The following ZFR2 variants were observed in gnomAD, a reference collection of about 807,000 sequenced individuals.
The protein encoded by ZFR2 is zinc finger RNA-binding protein 2.
ZFR2 carries 104 observed loss-of-function variants against 105.7 expected under a neutral mutation model. The observed-to-expected ratio is 0.98, with a 90% CI of 0.84 to 1.16. The LOEUF is 1.16. Among genes scored for constraint, ZFR2 ranks in the 50% most tolerant of loss-of-function variants. The probability of loss-of-function intolerance (pLI) is 0.00; values close to 1 mark genes in which losing one functional copy is unlikely to be tolerated. For missense variants in ZFR2, 1,425 were observed against 1,355.5 expected (o/e 1.05, Z -0.80); for synonymous variants, 634 against 597.7 (o/e 1.06, Z -0.89).
intron 6 of ZFR2, among the ~76,000 whole-genome samples, chr19:3,827,235 T>C (rs1464851766): frequency 6.6e-6 from 1 of 152,106 alleles, no homozygotes; most frequent in Non-Finnish European, 1.5e-5. Flanking sequence ...GGACGAGACT[T>C]TGTCCCCATT....
intron 9 of ZFR2, 131 bp downstream of exon 9, chr19:3,821,950 C>G: frequency 7.3e-7 from 1 of 1,373,774 alleles, no homozygotes; most frequent in Non-Finnish European, 9.6e-7. Context: ...GTTGAAAACC[C>G]AGAAAATCAC....
rs1162229874 is a variant in ZFR2, at chr19:3,834,928, G to A, written c.109C>T (p.Pro37Ser). 1.2e-6 allele frequency: 2 copies of A among 1,611,758 alleles called. No homozygotes were observed. The highest frequency in any genetic ancestry group is 1.7e-6 in the Non-Finnish European group (2 of 1,179,188). The change falls in exon 2 of 19, where the codon CCC becomes TCC. Residue 37 changes from proline (P) to serine (S), a missense_variant. Transcript: ENST00000262961. The surrounding 1 kb of genome is among the most constrained non-coding windows in gnomAD (Gnocchi z 5.3). ...ACGGCAGGGTCCATCCCAGGAGTGG[G>A]TTGTGCAGTATAGCTGGCCCCCACA... ...PTVGASYTAQ[P>S]TPGMDPAVNP...
At chr19:3,862,770 G>A (rs2038387055) in intron 1 of ZFR2, among the ~76,000 whole-genome samples, 1 of 152,224 alleles carries the variant, frequency 6.6e-6, no homozygotes, top group African/African-American at 2.4e-5. Flanking sequence ...CTGCCTCTCG[G>A]ATTCTCTTCT....
intron 1 of ZFR2, among the ~76,000 whole-genome samples, chr19:3,848,326 C>A (rs755626271): frequency 6.6e-6 from 1 of 151,130 alleles, no homozygotes; most frequent in African/African-American, 2.4e-5. Flanking sequence ...GCAGGAGGAT[C>A]GCTTGAATGG....
At position 3,831,378 on chromosome 19, in the gene ZFR2, C is replaced by T. The variant is rs751790337; in HGVS notation, c.777G>A (p.Pro259=). ...DSKPPLPSKL[P]RPKAGPRQLQ... is the part of the protein sequence containing the mutation. Reference sequence around the variant, plus strand: ...GCTGCCTGGGCCCCGCCTTGGGTCTCGGCAGCTTGCTGGGAAGCGGTGGCT... The same window carrying T: ...GCTGCCTGGGCCCCGCCTTGGGTCTTGGCAGCTTGCTGGGAAGCGGTGGCT... Residue 259 remains proline (P), a synonymous_variant, in exon 5 of 19, where the codon CCG becomes CCA. Transcript: ENST00000262961. 2.2e-5 allele frequency: 34 copies of T among 1,557,792 alleles called. No homozygotes were observed. The highest frequency in any genetic ancestry group is 4.7e-5 in the South Asian group (4 of 84,674).
rs760427037 is a variant in ZFR2, at chr19:3,822,115, T to C, written c.1457A>G (p.His486Arg). The C allele has an allele frequency of 1.9e-5, 30 of 1,609,660 alleles. No homozygotes were observed. The highest frequency in any genetic ancestry group is 2.5e-5 in the Non-Finnish European group (29 of 1,178,452). ...SFNDLNAKDLHVRGRRHRLQY... is the reference protein window; with the variant it reads ...SFNDLNAKDLRVRGRRHRLQY... The stretch of plus-strand genomic sequence containing the variant: ...CAGCCGGTGCCGCCGCCCCCTCACG[T>C]GCAGGTCCTTCGCGTTAAGGTCGTT... Residue 486 changes from histidine (H) to arginine (R), a missense_variant, in exon 9 of 19, where the codon CAC (histidine) becomes CGC (arginine). Coordinates refer to ENST00000262961, the MANE Select transcript of ZFR2 (RefSeq NM_015174.2).
intron 1 of ZFR2, among the ~76,000 whole-genome samples, chr19:3,840,807 C>T (rs1380332375): frequency 2.6e-5 from 4 of 152,194 alleles, no homozygotes; most frequent in African/African-American, 7.2e-5. Flanking sequence ...GCTGGGATTA[C>T]AGGCCTAAGC....
chr19:3,809,930 G>T (rs887560899), intron 16 of ZFR2, among the ~76,000 whole-genome samples: 18 of 152,192 alleles, frequency 1.2e-4, no homozygotes, highest in African/African-American at 4.3e-4. Context: ...GGCAACAAGA[G>T]CGAGACTCCA....
In ZFR2 at chr19:3,831,295, C is replaced by T. The variant is rs1044679265; in HGVS notation, c.852+8G>A. 1.4e-5 allele frequency: 21 copies of T among 1,512,746 alleles called. No homozygotes were observed. Among genetic ancestry groups the T allele is most frequent in the African/African-American group, 2.8e-5 (2 of 72,510 alleles). The allele number at this position is 1,512,746 out of a possible 1,614,324, so 93.7% of individuals were successfully genotyped here. ...CTGGGGCCTGCCCATGGCAGGAGGG[C>T]GACTGACCTGGGGGCCAGCGCAGCT... is the stretch of plus-strand genomic sequence containing the variant. On this transcript the variant is annotated splice_region_variant and intron_variant, in intron 5 of 18. Coordinates refer to ENST00000262961, the MANE Select transcript of ZFR2 (RefSeq NM_015174.2).
intron 6 of ZFR2, among the ~76,000 whole-genome samples, chr19:3,825,635 T>C (rs2037941130): frequency 1.3e-5 from 2 of 151,908 alleles, no homozygotes; most frequent in African/African-American, 4.8e-5. Context: ...TCTAGCACGG[T>C]GACACTCCTC....
At chr19:3,826,756 G>C (rs190769690) in intron 6 of ZFR2, among the ~76,000 whole-genome samples, 1 of 151,984 alleles carries the variant, frequency 6.6e-6, no homozygotes, top group East Asian at 2.0e-4. Flanking sequence ...ACCTTACTAA[G>C]GCCTCAGGAG....
At chr19:3,841,218 C>A (rs955986645) in intron 1 of ZFR2, among the ~76,000 whole-genome samples, 17 of 152,346 alleles carry the variant, frequency 1.1e-4, no homozygotes, top group African/African-American at 3.6e-4. Flanking sequence ...GAAAGACCAC[C>A]CCCTTCGCAA....
At chr19:3,818,423 G>A (rs990468736) in intron 12 of ZFR2, among the ~76,000 whole-genome samples, 22 of 152,042 alleles carry the variant, frequency 1.4e-4, no homozygotes, top group Admixed American at 1.3e-3. Context: ...CTCTGATCGC[G>A]CCATTGCCCT....
Position 3,831,414 on chromosome 19 carries a change from C to T in ZFR2, c.741G>A (p.Arg247=). Reference sequence around the variant, plus strand: ...TGGGAAGCGGTGGCTTCGAGTCGGCCCTGGGGCTGCTTCCTGAGCCTGCAG... The same window carrying T: ...TGGGAAGCGGTGGCTTCGAGTCGGCTCTGGGGCTGCTTCCTGAGCCTGCAG... The part of the protein sequence containing the change: ...PAPAGSGSSP[R]ADSKPPLPSK... The change falls in exon 5 of 19, where the codon AGG becomes AGA. Residue 247 remains arginine (R), a synonymous_variant. Coordinates refer to ENST00000262961, the MANE Select transcript of ZFR2 (RefSeq NM_015174.2). 6.4e-7 allele frequency: 1 copy of T among 1,554,820 alleles called. No homozygotes were observed.
At chr19:3,850,119 G>A (rs774689657) in intron 1 of ZFR2, among the ~76,000 whole-genome samples, 1 of 152,150 alleles carries the variant, frequency 6.6e-6, no homozygotes, top group South Asian at 2.1e-4. Flanking sequence ...ACAGAGACGC[G>A]GGGGCAGAGG....
At chr19:3,848,506 T>C (rs1199554844) in intron 1 of ZFR2, among the ~76,000 whole-genome samples, 1 of 146,518 alleles carries the variant, frequency 6.8e-6, no homozygotes, top group Admixed American at 6.8e-5. Flanking sequence ...AGCCCAAGAG[T>C]TTAAGACCAG....
intron 9 of ZFR2, 125 bp from the exon 10 acceptor site, chr19:3,821,604 CTTTTT>C (rs56275505): frequency 2.5e-3 from 629 of 247,636 alleles, no homozygotes; most frequent in South Asian, 3.7e-3. Context: ...CTCCCAAAGC[CTTTTT>C]TTTTTTTTTT....
intron 1 of ZFR2, chr19:3,855,586 G>A: frequency 1.8e-6 from 1 of 566,308 alleles, no homozygotes; most frequent in Non-Finnish European, 2.6e-6. Context: ...GGAGACACGG[G>A]GTCAGCAAAA....
Position 3,813,053 on chromosome 19 carries a change from C to G in ZFR2, c.2242+767G>C, listed in dbSNP as rs2037784309. Among the ~76,000 whole-genome samples the G allele has an allele frequency of 6.6e-6, 1 of 152,194 alleles. No homozygotes were observed. On this transcript the variant is annotated intron_variant, in intron 14 of 18. Transcript: ENST00000262961. The surrounding 1 kb of genome is among the most constrained non-coding windows in gnomAD (Gnocchi z 4.4). ...TGAGATTGCGCCATTGCACTCCAGC[C>G]TGGGCAACAGAGCGAGACTCTGTCT... is the stretch of plus-strand genomic sequence containing the variant.
Sources: allele counts gnomAD v4.1 joint callset (sites outside exome capture counted in the v4.1 genomes callset), GRCh38; gene constraint gnomAD v4.1.1; non-coding constraint Gnocchi (gnomAD v3.1); transcripts MANE v1.5; gene names NCBI Gene and HGNC (gene_info 2026-07-23, HGNC 2026-07-21).